LRP1B: variants seen among roughly 807,000 people sequenced by gnomAD.
LRP1B encodes LDL receptor related protein 1B, also known as low-density lipoprotein receptor-related protein 1B.
Under a neutral mutation model 556.6 loss-of-function variants are expected in LRP1B, and 217 were observed. That is an observed-to-expected ratio of 0.39 (90% CI 0.35 to 0.44). The LOEUF (loss-of-function observed/expected upper bound fraction) is 0.44, where lower values mean the gene tolerates loss of function less well. Among genes scored for constraint, LRP1B ranks in the 20% least tolerant of loss-of-function variants. The probability of loss-of-function intolerance (pLI) is 1.00; values close to 1 mark genes in which losing one functional copy is unlikely to be tolerated. For synonymous variants in LRP1B, 2,047 were observed against 1,865.8 expected (o/e 1.10, Z -2.50); for missense variants, 5,053 against 5,620.8 (o/e 0.90, Z 3.23).
intron 3 of LRP1B, among the ~76,000 whole-genome samples, chr2:141,452,573 A>G (rs1366976484): frequency 6.6e-6 from 1 of 152,228 alleles, no homozygotes; most frequent in Non-Finnish European, 1.5e-5. Context: ...AAAAGCTAGC[A>G]TCGATTACAC....
At chr2:140,438,986 G>A (rs1477967437) in intron 66 of LRP1B, among the ~76,000 whole-genome samples, 1 of 152,124 alleles carries the variant, frequency 6.6e-6, no homozygotes, top group Non-Finnish European at 1.5e-5. Context: ...AGAGAACTAA[G>A]AATCTAAACT....
intron 1 of LRP1B, among the ~76,000 whole-genome samples, chr2:141,884,242 A>G (rs1699042512): frequency 6.6e-6 from 1 of 152,078 alleles, no homozygotes; most frequent in Non-Finnish European, 1.5e-5. Flanking sequence ...CAGGCATGGT[A>G]GCATGTGCCT....
chr2:140,387,679 T>C (rs1247326481), intron 66 of LRP1B, among the ~76,000 whole-genome samples: 1 of 152,082 alleles, frequency 6.6e-6, no homozygotes, highest in Non-Finnish European at 1.5e-5. Context: ...CTTTATATTA[T>C]GTCCACTTTG....
intron 2 of LRP1B, among the ~76,000 whole-genome samples, chr2:141,673,813 T>C (rs1158602981): frequency 6.6e-6 from 1 of 152,050 alleles, no homozygotes; most frequent in African/African-American, 2.4e-5. Flanking sequence ...TCTACCTAAA[T>C]TGTCCACTGC....
chr2:140,550,383 T>C (rs1680503490), intron 43 of LRP1B, among the ~76,000 whole-genome samples: 1 of 152,118 alleles, frequency 6.6e-6, no homozygotes, highest in Non-Finnish European at 1.5e-5. Flanking sequence ...AAGTTGTGAG[T>C]AAAATAAAAT....
intron 60 of LRP1B, among the ~76,000 whole-genome samples, chr2:140,472,185 T>C (rs1365375014): frequency 1.3e-5 from 2 of 152,060 alleles, no homozygotes; most frequent in Admixed American, 1.3e-4. Context: ...CCTAGCATAG[T>C]GCATGGCACA....
intron 25 of LRP1B, among the ~76,000 whole-genome samples, chr2:140,872,897 C>T (rs1693184546): frequency 6.6e-6 from 1 of 151,466 alleles, no homozygotes; most frequent in Non-Finnish European, 1.5e-5. Context: ...TTTCTATCAG[C>T]AAGCATAATA....
At chr2:140,779,833 T>G (rs1260557207) in intron 32 of LRP1B, among the ~76,000 whole-genome samples, 3 of 150,446 alleles carry the variant, frequency 2.0e-5, no homozygotes, top group Non-Finnish European at 4.4e-5. Context: ...TCCCATGAAC[T>G]CTTTCTTAAA....
At chr2:140,237,009 T>C (rs1200339859) in intron 89 of LRP1B, among the ~76,000 whole-genome samples, 1 of 150,954 alleles carries the variant, frequency 6.6e-6, no homozygotes, top group Non-Finnish European at 1.5e-5. Context: ...TACATAGTTA[T>C]TTTTTTGTGG....
intron 17 of LRP1B, among the ~76,000 whole-genome samples, chr2:140,988,899 A>G (rs994516718): frequency 6.6e-6 from 1 of 152,046 alleles, no homozygotes; most frequent in African/African-American, 2.4e-5. Flanking sequence ...AGTCAGTATC[A>G]TTTTTCAACA....
intron 5 of LRP1B, among the ~76,000 whole-genome samples, chr2:141,234,179 T>C (rs561427204): frequency 6.6e-4 from 100 of 152,068 alleles, no homozygotes; most frequent in African/African-American, 2.4e-3. Context: ...AGAGGTTTTT[T>C]TTTCAGATTT....
At chr2:141,084,721 C>A (rs1427568837) in intron 7 of LRP1B, among the ~76,000 whole-genome samples, 1 of 151,088 alleles carries the variant, frequency 6.6e-6, no homozygotes, top group African/African-American at 2.4e-5. Flanking sequence ...GCGATCTCGG[C>A]TCACTGCAAG....
chr2:141,025,916 T>C (rs1046357073), intron 11 of LRP1B, among the ~76,000 whole-genome samples: 9 of 152,036 alleles, frequency 5.9e-5, no homozygotes, highest in East Asian at 1.9e-4. Flanking sequence ...GAGGACAAAA[T>C]AGCTTTCAAT....
At chr2:140,408,580 T>C (rs1037285722) in intron 66 of LRP1B, among the ~76,000 whole-genome samples, 3 of 151,816 alleles carry the variant, frequency 2.0e-5, no homozygotes, top group African/African-American at 4.8e-5. Flanking sequence ...GGATGGGGAA[T>C]CCTATTATAA....
intron 2 of LRP1B, among the ~76,000 whole-genome samples, chr2:141,587,589 C>T (rs1444316934): frequency 6.6e-6 from 1 of 152,090 alleles, no homozygotes; most frequent in Non-Finnish European, 1.5e-5. Flanking sequence ...TGCAAAATTC[C>T]TCCCCTTTTG....
At chr2:142,112,218 T>C (rs1378025750) in intron 1 of LRP1B, among the ~76,000 whole-genome samples, 1 of 151,880 alleles carries the variant, frequency 6.6e-6, no homozygotes, top group Non-Finnish European at 1.5e-5. Flanking sequence ...TTACAGAAAA[T>C]ATCAGTTATA....
chr2:140,749,500 G>T (rs1052250032), intron 35 of LRP1B, among the ~76,000 whole-genome samples: 2 of 151,104 alleles, frequency 1.3e-5, no homozygotes, highest in African/African-American at 4.9e-5. Flanking sequence ...AAAATTTATT[G>T]ATTTATTTTA....
At chr2:141,108,720 T>C (rs1000317172) in intron 7 of LRP1B, among the ~76,000 whole-genome samples, 8 of 152,148 alleles carry the variant, frequency 5.3e-5, no homozygotes, top group African/African-American at 1.9e-4. Flanking sequence ...TACCATTGAA[T>C]GAATAAATGT....
intron 32 of LRP1B, among the ~76,000 whole-genome samples, chr2:140,803,853 T>C (rs937402723): frequency 1.3e-5 from 2 of 149,506 alleles, no homozygotes; most frequent in Non-Finnish European, 3.0e-5. Flanking sequence ...AGGAAAGAAA[T>C]AAACCCCTCC....
Sources: allele counts gnomAD v4.1 joint callset (sites outside exome capture counted in the v4.1 genomes callset), GRCh38; gene constraint gnomAD v4.1.1; transcripts MANE v1.5; gene names NCBI Gene and HGNC (gene_info 2026-07-23, HGNC 2026-07-21).